Variants in PLGRKT observed in about 807,000 individuals in gnomAD.
PLGRKT encodes plasminogen receptor (KT).
PLGRKT carries 22 observed loss-of-function variants against 18.5 expected under a neutral mutation model. The ratio of observed to expected loss-of-function variants is 1.19; its 90% CI spans 0.85 to 1.70. PLGRKT has a LOEUF of 1.70. Ranked by LOEUF, PLGRKT falls within the 40% of genes most tolerant of loss-of-function variation. The pLI is 0.00. For missense variants in PLGRKT, 235 were observed against 174.4 expected, an observed-to-expected ratio of 1.35 and a Z score of -1.96; for synonymous variants, 72 against 52.8, an observed-to-expected ratio of 1.36 and a Z score of -1.58.
chr9:5,424,327 T>C (rs1005740964), intron 3 of PLGRKT, among the ~76,000 whole-genome samples: 23 of 135,146 alleles, frequency 1.7e-4, no homozygotes, highest in Middle Eastern at 3.4e-3. Flanking sequence ...ACCTATAGTA[T>C]TATATATAAT....
At chr9:5,438,057 G>A (rs1478306684), upstream of PLGRKT, among the ~76,000 whole-genome samples, 1 of 152,224 alleles carries the variant, frequency 6.6e-6, no homozygotes, top group African/African-American at 2.4e-5. Flanking sequence ...ATTCAAAGCC[G>A]CGGCGACTCA....
intron 3 of PLGRKT, among the ~76,000 whole-genome samples, chr9:5,430,071 C>T (rs749075514): frequency 1.4e-4 from 22 of 152,318 alleles, no homozygotes; most frequent in Non-Finnish European, 2.5e-4. Context: ...GCACTCATTT[C>T]GCCCGTGCCC....
chr9:5,418,604 G>A lies in PLGRKT; in HGVS notation c.81+13293C>T, dbSNP rs561090922. On this transcript the variant is annotated intron_variant, in intron 3 of 5. Transcript: ENST00000223864. This position sits in a 1 kb window ranked among gnomAD's most constrained non-coding sequence, Gnocchi z 4.2. ...GTCACCACAGTGACGGACTTCTGCC[G>A]GTTCCTGGGCAGCAGGTGGCGGCTC... 51 of 737,148 alleles carry A rather than the reference G, an allele frequency of 6.9e-5. No individual in the cohort carries two copies. Among genetic ancestry groups the A allele is most frequent in the Admixed American group, 3.6e-4 (20 of 54,866 alleles). 45.7% of individuals were successfully genotyped at this position (737,148 alleles called of 1,614,324 possible).
At chr9:5,370,583 GT>G (rs1817494842) in intron 3 of PLGRKT, among the ~76,000 whole-genome samples, 1 of 152,004 alleles carries the variant, frequency 6.6e-6, no homozygotes, top group Non-Finnish European at 1.5e-5. Flanking sequence ...GAAAAGTTTG[GT>G]TTTTATTTGC....
chr9:5,417,656 C>CTT (rs199643819), intron 3 of PLGRKT, among the ~76,000 whole-genome samples: 41 of 145,528 alleles, frequency 2.8e-4, no homozygotes, highest in Middle Eastern at 3.5e-3. Flanking sequence ...GTAAAGTACT[C>CTT]TTTTTTTTTT....
chr9:5,422,706 T>A (rs2131162435), intron 3 of PLGRKT, among the ~76,000 whole-genome samples: 1 of 152,320 alleles, frequency 6.6e-6, no homozygotes, highest in East Asian at 1.9e-4. Context: ...TATCTATATC[T>A]GTTAGAGAAT....
At chr9:5,430,914 T>C (rs968768024) in intron 3 of PLGRKT, among the ~76,000 whole-genome samples, 6 of 152,364 alleles carry the variant, frequency 3.9e-5, no homozygotes, top group African/African-American at 1.2e-4. Flanking sequence ...AGTGCTTTGA[T>C]CTTTTCTATC....
chr9:5,430,338 G>A (rs138374697), intron 3 of PLGRKT, among the ~76,000 whole-genome samples: 48 of 152,284 alleles, frequency 3.2e-4, no homozygotes, highest in East Asian at 7.7e-4. Context: ...GCTAAGCATC[G>A]GATAGCTGGC....
intron 3 of PLGRKT, among the ~76,000 whole-genome samples, chr9:5,407,064 T>G (rs1818271663): frequency 6.6e-6 from 1 of 152,216 alleles, no homozygotes; most frequent in South Asian, 2.1e-4. Context: ...GAGGTCTTCA[T>G]GTATAAAATT....
At chr9:5,380,143 T>C (rs1238182024) in intron 3 of PLGRKT, among the ~76,000 whole-genome samples, 1 of 152,102 alleles carries the variant, frequency 6.6e-6, no homozygotes, top group African/African-American at 2.4e-5. Context: ...GGCAGGCAGA[T>C]CACGAGGTCA....
chr9:5,393,902 G>A (rs1022790847), intron 3 of PLGRKT, among the ~76,000 whole-genome samples: 3 of 151,804 alleles, frequency 2.0e-5, no homozygotes, highest in Admixed American at 6.6e-5. Flanking sequence ...ACAAATATAT[G>A]CCCTCATGGA....
upstream of PLGRKT, among the ~76,000 whole-genome samples, chr9:5,438,289 A>G (rs1819001953): frequency 6.6e-6 from 1 of 152,186 alleles, no homozygotes; most frequent in Non-Finnish European, 1.5e-5. Context: ...CCTCACCAGC[A>G]ATTTCTATCT....
intron 3 of PLGRKT, among the ~76,000 whole-genome samples, chr9:5,385,251 G>T (rs1029667166): frequency 3.2e-4 from 49 of 152,058 alleles, no homozygotes; most frequent in Middle Eastern, 3.4e-3. Context: ...GAACTTTTTG[G>T]ATTGCTTAAG....
intron 3 of PLGRKT, among the ~76,000 whole-genome samples, chr9:5,382,830 T>C (rs1817772313): frequency 6.6e-6 from 1 of 151,770 alleles, no homozygotes; most frequent in African/African-American, 2.4e-5. Flanking sequence ...CAGAAAGAAG[T>C]AGATGGGCAC....
chr9:5,423,333 T>A (rs952983683), intron 3 of PLGRKT, among the ~76,000 whole-genome samples: 12 of 152,226 alleles, frequency 7.9e-5, no homozygotes, highest in Non-Finnish European at 1.6e-4. Flanking sequence ...AATGTTGTAA[T>A]GCCAAAGGAA....
At chr9:5,403,986 A>G (rs1818206291) in intron 3 of PLGRKT, among the ~76,000 whole-genome samples, 1 of 152,120 alleles carries the variant, frequency 6.6e-6, no homozygotes, top group Non-Finnish European at 1.5e-5. Context: ...ACCATCAGAG[A>G]ATACTATAAA....
chr9:5,379,373 G>A (rs1817692756), intron 3 of PLGRKT, among the ~76,000 whole-genome samples: 1 of 152,112 alleles, frequency 6.6e-6, no homozygotes, highest in South Asian at 2.1e-4. Flanking sequence ...CTACAGAGAT[G>A]TGCTGTTCAA....
At chr9:5,428,062 C>T (rs931375666) in intron 3 of PLGRKT, among the ~76,000 whole-genome samples, 1 of 152,192 alleles carries the variant, frequency 6.6e-6, no homozygotes, top group East Asian at 1.9e-4. Flanking sequence ...GCAAGCTCCA[C>T]GATCCAGCCA....
At chr9:5,397,334 C>A (rs1818069273) in intron 3 of PLGRKT, among the ~76,000 whole-genome samples, 1 of 151,944 alleles carries the variant, frequency 6.6e-6, no homozygotes, top group African/African-American at 2.4e-5. Flanking sequence ...CCAAAGGCAG[C>A]TCTTCCCTGA....
Sources: gnomAD v4.1 joint callset for allele counts (sites outside exome capture counted in the v4.1 genomes callset) on GRCh38, gnomAD v4.1.1 for gene constraint, Gnocchi (gnomAD v3.1) non-coding constraint, MANE v1.5 for transcripts, NCBI Gene and HGNC (gene_info 2026-07-23, HGNC 2026-07-21) for gene names.